Variants in MAGI1 observed in about 807,000 individuals in gnomAD.
MAGI1 encodes the protein membrane-associated guanylate kinase, WW and PDZ domain-containing protein 1.
Under a neutral mutation model 139.9 loss-of-function variants are expected in MAGI1, and 58 were observed. The ratio of observed to expected loss-of-function variants is 0.41; its 90% CI spans 0.34 to 0.52. The LOEUF (loss-of-function observed/expected upper bound fraction) is 0.52. MAGI1 is among the 20% of genes least tolerant of loss of function. MAGI1 has a pLI of 0.12. For missense variants in MAGI1, 1,874 were observed against 1,901.6 expected, an observed-to-expected ratio of 0.99 and a Z score of 0.27; for synonymous variants, 812 against 737.9, an observed-to-expected ratio of 1.10 and a Z score of -1.63.
intron 1 of MAGI1, among the ~76,000 whole-genome samples, chr3:65,689,523 A>G (rs752393306): frequency 3.9e-5 from 6 of 152,224 alleles, no homozygotes; most frequent in Non-Finnish European, 7.3e-5. Context: ...ATAATAAAAT[A>G]TCCTTCGGAA....
intron 1 of MAGI1, among the ~76,000 whole-genome samples, chr3:65,994,399 GA>G (rs747218029): frequency 2.0e-4 from 30 of 151,968 alleles, no homozygotes; most frequent in Middle Eastern, 3.4e-3. Flanking sequence ...TTTCAACTTA[GA>G]AATGCTTATT....
intron 2 of MAGI1, among the ~76,000 whole-genome samples, chr3:65,586,892 G>A (rs1559695630): frequency 2.6e-5 from 4 of 152,094 alleles, no homozygotes; most frequent in Admixed American, 2.6e-4. Flanking sequence ...GCGAATGAAG[G>A]TTTCTCCTTA....
At position 66,038,391 on chromosome 3, in the gene MAGI1, CAT is replaced by C; in HGVS notation, c.-85_-84del. Reference sequence around the variant, plus strand: ...ACGAGCCCCCAAGCCTCCGCTTGTTCATGGGAGAAACATCTCTCCCCAAATCA... The same window carrying C: ...ACGAGCCCCCAAGCCTCCGCTTGTTCGGGAGAAACATCTCTCCCCAAATCA... On this transcript the variant is annotated 5_prime_UTR_variant, in exon 1 of 23. An upstream start codon of the reference 5' UTR is lost. Coordinates refer to ENST00000402939, the MANE Select transcript of MAGI1 (RefSeq NM_001033057.2). 1 of 1,488,468 alleles carries C rather than the reference CAT, an allele frequency of 6.7e-7. No individual in the cohort carries two copies. Among genetic ancestry groups the C allele is most frequent in the East Asian group, 2.3e-5 (1 of 43,136 alleles). The allele number at this position is 1,488,468 out of a possible 1,614,324, so 92.2% of individuals were successfully genotyped here. A position where few individuals can be genotyped will look rare whatever the true frequency, so the allele number is the denominator to read the frequency against.
intron 2 of MAGI1, among the ~76,000 whole-genome samples, chr3:65,505,089 T>A (rs927737176): frequency 6.6e-6 from 1 of 152,128 alleles, no homozygotes; most frequent in African/African-American, 2.4e-5. Flanking sequence ...AGTAACGCTA[T>A]ACCCTAGCGC....
chr3:65,686,942 T>C (rs2088097539), intron 1 of MAGI1, among the ~76,000 whole-genome samples: 1 of 152,222 alleles, frequency 6.6e-6, no homozygotes, highest in South Asian at 2.1e-4. Flanking sequence ...CGGTAGCCCA[T>C]TCGATGAATC....
intron 2 of MAGI1, among the ~76,000 whole-genome samples, chr3:65,579,302 C>G (rs1467960045): frequency 6.6e-6 from 1 of 152,130 alleles, no homozygotes; most frequent in African/African-American, 2.4e-5. Flanking sequence ...TGCCAAAAAA[C>G]TAGGATGCTT....
intron 12 of MAGI1, among the ~76,000 whole-genome samples, chr3:65,406,793 ATC>A (rs148669462): frequency 1.8e-4 from 26 of 144,538 alleles, no homozygotes; most frequent in East Asian, 6.0e-4. Context: ...ACAGTTATAG[ATC>A]TCTCTCTCTC....
At chr3:65,597,930 G>GC (rs897095401) in intron 2 of MAGI1, 40 of 452,406 alleles carry the variant, frequency 8.8e-5, no homozygotes, top group Admixed American at 3.1e-4. Flanking sequence ...GGGGGTGGGG[G>GC]GGGGGTGGGA....
intron 1 of MAGI1, among the ~76,000 whole-genome samples, chr3:65,955,491 G>A (rs1260909839): frequency 1.3e-5 from 2 of 152,192 alleles, no homozygotes; most frequent in Non-Finnish European, 2.9e-5. Context: ...AATGAAGCAG[G>A]AGAAGGCTCG....
intron 1 of MAGI1, among the ~76,000 whole-genome samples, chr3:65,820,166 A>C (rs2041865620): frequency 6.6e-6 from 1 of 152,088 alleles, no homozygotes; most frequent in Non-Finnish European, 1.5e-5. Context: ...TTTCAAAGTG[A>C]GAAAAAAAAA....
intron 1 of MAGI1, among the ~76,000 whole-genome samples, chr3:65,960,536 C>T (rs2064371694): frequency 6.6e-6 from 1 of 152,086 alleles, no homozygotes; most frequent in Admixed American, 6.5e-5. Flanking sequence ...GTCACTGGTC[C>T]CTGTGGTCAC....
intron 1 of MAGI1, among the ~76,000 whole-genome samples, chr3:65,994,881 G>C (rs2066358345): frequency 6.6e-6 from 1 of 152,198 alleles, no homozygotes; most frequent in Admixed American, 6.5e-5. Flanking sequence ...ATCAATGAAT[G>C]AACAAACTTC....
At chr3:65,656,009 G>A (rs974284918) in intron 1 of MAGI1, among the ~76,000 whole-genome samples, 2 of 152,150 alleles carry the variant, frequency 1.3e-5, no homozygotes, top group African/African-American at 4.8e-5. Flanking sequence ...GAAAGCTCTT[G>A]TGTCAGACAT....
At chr3:65,430,263 T>C in intron 11 of MAGI1, 123 bp from the exon 12 acceptor site, 1 of 936,162 alleles carries the variant, frequency 1.1e-6, no homozygotes, top group East Asian at 2.6e-5. Flanking sequence ...TACTATAGGG[T>C]ATAAAGTGCT....
At chr3:65,400,691 A>T (rs1404359861) in intron 13 of MAGI1, among the ~76,000 whole-genome samples, 1 of 149,722 alleles carries the variant, frequency 6.7e-6, no homozygotes, top group Non-Finnish European at 1.5e-5. Flanking sequence ...ATTAGCTAAC[A>T]TGTCAACTAG....
intron 1 of MAGI1, among the ~76,000 whole-genome samples, chr3:65,662,830 C>G (rs1001075089): frequency 2.0e-5 from 3 of 152,166 alleles, no homozygotes; most frequent in Non-Finnish European, 4.4e-5. Context: ...CAACTTTACA[C>G]ATTATGACCT....
At chr3:65,817,850 T>C (rs543099424) in intron 1 of MAGI1, among the ~76,000 whole-genome samples, 6 of 152,206 alleles carry the variant, frequency 3.9e-5, no homozygotes, top group Non-Finnish European at 7.4e-5. Flanking sequence ...GCAAATGTAA[T>C]AGAACAAGAC....
At chr3:65,766,815 G>A (rs2037517008) in intron 1 of MAGI1, among the ~76,000 whole-genome samples, 1 of 151,474 alleles carries the variant, frequency 6.6e-6, no homozygotes, top group African/African-American at 2.4e-5. Flanking sequence ...CTTAAACCTG[G>A]GAGGCAGAGG....
chr3:65,792,133 AAT>A (rs1279310407), intron 1 of MAGI1, among the ~76,000 whole-genome samples: 1 of 152,218 alleles, frequency 6.6e-6, no homozygotes, highest in Non-Finnish European at 1.5e-5. Context: ...CTATTAATAA[AAT>A]AGCTATTAAT....
Sources: gnomAD v4.1 joint callset for allele counts (sites outside exome capture counted in the v4.1 genomes callset) on GRCh38, gnomAD v4.1.1 for gene constraint, MANE v1.5 for transcripts, NCBI Gene and HGNC (gene_info 2026-07-23, HGNC 2026-07-21) for gene names.